ZMYND11: variants seen among roughly 807,000 people sequenced by gnomAD.
The protein encoded by ZMYND11 is zinc finger MYND-type containing 11, also known as zinc finger MYND domain-containing protein 11.
Under a neutral mutation model 84.9 loss-of-function variants are expected in ZMYND11, and 9 were observed. That is an observed-to-expected ratio of 0.11 (90% confidence interval 0.06 to 0.18). The LOEUF (loss-of-function observed/expected upper bound fraction) is 0.18, where lower values mean the gene tolerates loss of function less well. Among genes scored for constraint, ZMYND11 ranks in the 10% least tolerant of loss-of-function variants. ZMYND11 has a pLI of 1.00. For missense variants in ZMYND11, 409 were observed against 761.0 expected (o/e 0.54, Z 5.44); for synonymous variants, 250 against 244.1 (o/e 1.02, Z -0.23).
chr10:146,332 AG>A, intron 1 of ZMYND11, among the ~76,000 whole-genome samples: 1 of 152,324 alleles, frequency 6.6e-6, no homozygotes, highest in Non-Finnish European at 1.5e-5. Context: ...TCTTTTGCAT[AG>A]GATTGCTTTG....
chr10:178,566 TG>T (rs1480844793), intron 1 of ZMYND11, among the ~76,000 whole-genome samples: 2 of 152,214 alleles, frequency 1.3e-5, no homozygotes, highest in African/African-American at 2.4e-5. Flanking sequence ...CTGTCTAAAA[TG>T]GAAGTGTTCC....
chr10:155,671 G>C (rs1841528243), intron 1 of ZMYND11, among the ~76,000 whole-genome samples: 1 of 152,014 alleles, frequency 6.6e-6, no homozygotes, highest in Admixed American at 6.6e-5. Flanking sequence ...ATTAAGACAT[G>C]GTATGATTTT....
At chr10:193,676 A>G (rs1312373434) in intron 2 of ZMYND11, among the ~76,000 whole-genome samples, 1 of 152,184 alleles carries the variant, frequency 6.6e-6, no homozygotes, top group Admixed American at 6.5e-5. Context: ...CTGTGCAACC[A>G]CCATCTCAAT....
chr10:196,481 A>G (rs1462389999), intron 2 of ZMYND11, among the ~76,000 whole-genome samples: 5 of 152,194 alleles, frequency 3.3e-5, no homozygotes, highest in African/African-American at 7.2e-5. Flanking sequence ...GATGTATATA[A>G]TTTGAAAATA....
At chr10:140,700 A>G (rs184844318) in intron 1 of ZMYND11, among the ~76,000 whole-genome samples, 28 of 152,332 alleles carry the variant, frequency 1.8e-4, no homozygotes, top group African/African-American at 6.5e-4. Context: ...AAATATTTTC[A>G]TAATTAAAGT....
intron 3 of ZMYND11, 72 bp downstream of exon 3, chr10:210,120 A>C: frequency 1.3e-6 from 2 of 1,486,962 alleles, no homozygotes; most frequent in South Asian, 2.5e-5. Context: ...GATACAACCT[A>C]TAGAAAATCA....
chr10:168,278 G>T (rs1844480933), intron 1 of ZMYND11, among the ~76,000 whole-genome samples: 1 of 151,914 alleles, frequency 6.6e-6, no homozygotes, highest in African/African-American at 2.4e-5. Flanking sequence ...ACCAATAAAA[G>T]ACCAAACACA....
intron 9 of ZMYND11, among the ~76,000 whole-genome samples, chr10:241,759 C>T (rs942876201): frequency 2.0e-5 from 3 of 152,094 alleles, no homozygotes; most frequent in African/African-American, 2.4e-5. Flanking sequence ...CTTGGCCAAG[C>T]GGGTGCTCTT....
At chr10:249,109 G>C (rs1390988538) in intron 14 of ZMYND11, 21 bp downstream of exon 14, 1 of 1,613,832 alleles carries the variant, frequency 6.2e-7, no homozygotes, top group Non-Finnish European at 8.5e-7. Flanking sequence ...GTCTTTTTTA[G>C]ACCCTTATTT....
At chr10:158,177 G>C (rs1554760012) in intron 1 of ZMYND11, among the ~76,000 whole-genome samples, 1 of 152,056 alleles carries the variant, frequency 6.6e-6, no homozygotes, top group African/African-American at 2.4e-5. Context: ...GTAATACTGC[G>C]TGGATGTACA....
chr10:243,661 C>G (rs1288443489), intron 10 of ZMYND11, among the ~76,000 whole-genome samples: 1 of 152,110 alleles, frequency 6.6e-6, no homozygotes, highest in Non-Finnish European at 1.5e-5. Flanking sequence ...GTCAGGAGAT[C>G]GAGACCATCC....
intron 3 of ZMYND11, 130 bp downstream of exon 3, chr10:210,178 G>C: frequency 2.0e-6 from 2 of 989,106 alleles, no homozygotes. Flanking sequence ...CAACATTAAG[G>C]CTCTACATTG....
chr10:134,510 T>TGGTCCTGTTCTTTTCGC, upstream of ZMYND11: 2 of 152,442 alleles, frequency 1.3e-5, no homozygotes, highest in African/African-American at 4.8e-5. Flanking sequence ...TGCTGATGGG[T>TGGTCCTGTTCTTTTCGC]GGTCCTGTTC....
At position 248,925 on chromosome 10, in the gene ZMYND11, A is replaced by T; in HGVS notation, c.1523A>T (p.Glu508Val). The T allele has an allele frequency of 6.2e-7, 1 of 1,613,282 alleles. No homozygotes were observed. The highest frequency in any genetic ancestry group is 8.5e-7 in the Non-Finnish European group (1 of 1,179,542). Reference sequence around the variant, plus strand: ...CAGCTGCGTTCTGAAATGGAAGAAGAAAAGAGACAAGCTGTAAATAAAGCT... The same window carrying T: ...CAGCTGCGTTCTGAAATGGAAGAAGTAAAGAGACAAGCTGTAAATAAAGCT... ...LEKLRSEMEEEKRQAVNKAVA... is the reference protein window; with the variant it reads ...LEKLRSEMEEVKRQAVNKAVA... The change falls in exon 14 of 15, where the codon GAA becomes GTA. Residue 508 changes from glutamate (E) to valine (V), a missense_variant. Physicochemically the swap from Glu to Val is moderately radical, Grantham distance 121. Coordinates refer to ENST00000381604, the MANE Select transcript of ZMYND11 (RefSeq NM_001370100.5).
intron 13 of ZMYND11, 119 bp downstream of exon 13, chr10:248,727 C>A: frequency 7.1e-7 from 1 of 1,399,300 alleles, no homozygotes; most frequent in Non-Finnish European, 9.5e-7. Flanking sequence ...ATAATGACAC[C>A]AGTATCTTTT....
intron 1 of ZMYND11, among the ~76,000 whole-genome samples, chr10:163,040 G>A (rs983838238): frequency 2.0e-5 from 3 of 152,138 alleles, no homozygotes; most frequent in Non-Finnish European, 4.4e-5. Context: ...CATATTAGTA[G>A]CTTCCTGAGA....
At chr10:139,003 T>C (rs1027276440) in intron 1 of ZMYND11, among the ~76,000 whole-genome samples, 2 of 152,048 alleles carry the variant, frequency 1.3e-5, no homozygotes, top group African/African-American at 4.8e-5. Context: ...TGGCTAATTT[T>C]TCTATTTCAC....
intron 3 of ZMYND11, among the ~76,000 whole-genome samples, chr10:215,371 T>C (rs1485156141): frequency 6.6e-6 from 1 of 152,168 alleles, no homozygotes; most frequent in Non-Finnish European, 1.5e-5. Flanking sequence ...CTACCAGGTT[T>C]GGTCTCACAG....
intron 1 of ZMYND11, among the ~76,000 whole-genome samples, chr10:177,108 C>G (rs931286365): frequency 6.6e-6 from 1 of 152,136 alleles, no homozygotes; most frequent in African/African-American, 2.4e-5. Flanking sequence ...TTGCTTATTG[C>G]TATATCCCTA....
Sources: gnomAD v4.1 joint callset for allele counts (sites outside exome capture counted in the v4.1 genomes callset) on GRCh38, gnomAD v4.1.1 for gene constraint, MANE v1.5 for transcripts, NCBI Gene and HGNC (gene_info 2026-07-23, HGNC 2026-07-21) for gene names.